Variants in TRAM2 observed in about 807,000 individuals in gnomAD.
The protein encoded by TRAM2 is translocating chain-associated membrane protein 2.
Under a neutral mutation model 51.0 loss-of-function variants are expected in TRAM2, and 12 were observed. The observed-to-expected ratio is 0.24, with a 90% CI of 0.15 to 0.38. The LOEUF is 0.38. Ranked by LOEUF, TRAM2 falls within the 10% of genes least tolerant of loss-of-function variation. The probability of loss-of-function intolerance (pLI) is 1.00; values close to 1 mark genes in which losing one functional copy is unlikely to be tolerated. For missense variants in TRAM2, 361 were observed against 462.0 expected, an observed-to-expected ratio of 0.78 and a Z score of 2.00; for synonymous variants, 175 against 179.4, an observed-to-expected ratio of 0.98 and a Z score of 0.20.
chr6:52,533,270 C>A (rs998633631), intron 2 of TRAM2, among the ~76,000 whole-genome samples: 2 of 152,190 alleles, frequency 1.3e-5, no homozygotes, highest in African/African-American at 4.8e-5. Flanking sequence ...ATAGATTTTA[C>A]AATTTTTTTA....
rs545575367 is a variant in TRAM2 at position 52,556,744 on chromosome 6, A to G, written c.120+20052T>C. Among the ~76,000 whole-genome samples, 62 of 152,210 alleles carry G rather than the reference A, an allele frequency of 4.1e-4. 1 individual carries two copies. The highest frequency in any genetic ancestry group is 1.5e-3 in the African/African-American group (61 of 41,564). ...GGAGTTTGAGACCGGCCTGGCCAAC[A>G]TGGCAAAACCCCATCTCTACTAAAA... On this transcript the variant is annotated intron_variant, in intron 1 of 10. Transcript: ENST00000182527.
Position 52,507,571 on chromosome 6 carries a change from G to A in TRAM2, c.608C>T (p.Ala203Val). 15 of 1,614,184 alleles carry A rather than the reference G, an allele frequency of 9.3e-6. No individual in the cohort carries two copies. The highest frequency in any genetic ancestry group is 1.3e-5 in the Non-Finnish European group (15 of 1,180,036). ...QYICLYLVHIAGAYLLNLSRL... is the reference protein window; with the variant it reads ...QYICLYLVHIVGAYLLNLSRL... ...CACTCACTTTAAGAGGTATGCTCCA[G>A]CTATATGCACCAGGTACAGGCAAAT... Residue 203 changes from alanine (A) to valine (V), a missense_variant, in exon 7 of 11, where the codon GCT (alanine) becomes GTT (valine). Ala to Val is a moderately conservative substitution (Grantham distance 64). Transcript: ENST00000182527.
At chr6:52,503,323 A>C in intron 10 of TRAM2, 53 bp from the exon 11 acceptor site, 1 of 1,540,396 alleles carries the variant, frequency 6.5e-7, no homozygotes, top group Non-Finnish European at 9.0e-7. Flanking sequence ...GAGCTAAGGC[A>C]GAAGAGGGGA....
At chr6:52,514,836 T>C (rs1766515253) in intron 4 of TRAM2, among the ~76,000 whole-genome samples, 1 of 152,168 alleles carries the variant, frequency 6.6e-6, no homozygotes, top group African/African-American at 2.4e-5. Flanking sequence ...AACCTGGAAG[T>C]CTAGGGACTT....
intron 1 of TRAM2, among the ~76,000 whole-genome samples, chr6:52,555,635 C>T (rs551921169): frequency 2.6e-4 from 40 of 152,248 alleles, no homozygotes; most frequent in African/African-American, 9.4e-4. Context: ...ATGTTTTGGA[C>T]ATCATTCTAT....
At chr6:52,515,812 T>C (rs1176329514) in intron 4 of TRAM2, 194 bp downstream of exon 4, 1 of 568,464 alleles carries the variant, frequency 1.8e-6, no homozygotes, top group African/African-American at 1.9e-5. Flanking sequence ...AAATGGCATC[T>C]CTCTGTAATA....
At chr6:52,553,277 C>T (rs1581697934) in intron 1 of TRAM2, among the ~76,000 whole-genome samples, 1 of 152,182 alleles carries the variant, frequency 6.6e-6, no homozygotes, top group African/African-American at 2.4e-5. Flanking sequence ...CCATTAAATA[C>T]TCTCCAAGAT....
intron 4 of TRAM2, among the ~76,000 whole-genome samples, chr6:52,511,315 G>A (rs750154674): frequency 6.6e-6 from 1 of 152,168 alleles, no homozygotes; most frequent in Non-Finnish European, 1.5e-5. Context: ...ATGTTGACCA[G>A]GCTGGTCTCA....
chr6:52,498,492 C>T lies in TRAM2; in HGVS notation c.*4705G>A, dbSNP rs1019811312. The stretch of plus-strand genomic sequence containing the variant: ...ACCAAAAGAGGTTACGGCAAGTGGG[C>T]CTTTTAAAAAAAATCTGGGGGTGGG... On this transcript the variant is annotated 3_prime_UTR_variant, in exon 11 of 11. Transcript: ENST00000182527. The T allele has an allele frequency of 2.0e-5, 3 of 151,976 alleles. No homozygotes were observed. Among genetic ancestry groups the T allele is most frequent in the African/African-American group, 7.3e-5 (3 of 41,348 alleles). 9.4% of individuals were successfully genotyped at this position (151,976 alleles called of 1,614,324 possible).
At chr6:52,529,256 T>C (rs1483739995) in intron 2 of TRAM2, among the ~76,000 whole-genome samples, 1 of 152,150 alleles carries the variant, frequency 6.6e-6, no homozygotes, top group African/African-American at 2.4e-5. Flanking sequence ...CCACCAGTGA[T>C]ACTCCCCACC....
Position 52,501,525 on chromosome 6 carries a change from A to G in TRAM2, c.*1672T>C, listed in dbSNP as rs376927762. On this transcript the variant is annotated 3_prime_UTR_variant, in exon 11 of 11. Coordinates refer to ENST00000182527, the MANE Select transcript of TRAM2 (RefSeq NM_012288.4). ...AAGAACTACTCCCCTTTGCCTCAAA[A>G]CAGAGTTCGGAGGTTCTTAATTGGG... 4.6e-5 allele frequency: 7 copies of G among 152,302 alleles called. No homozygotes were observed. The South Asian group carries it at 8.3e-4, about 18-fold the overall frequency. The allele number at this position is 152,302 out of a possible 1,614,324, so 9.4% of individuals were successfully genotyped here.
chr6:52,569,491 G>A (rs748241274), intron 1 of TRAM2, among the ~76,000 whole-genome samples: 8 of 151,390 alleles, frequency 5.3e-5, no homozygotes, highest in South Asian at 4.2e-4. Context: ...ATGCAATAAC[G>A]TATGTATAAG....
At chr6:52,506,602 A>G (rs1279612526) in intron 7 of TRAM2, among the ~76,000 whole-genome samples, 1 of 152,100 alleles carries the variant, frequency 6.6e-6, no homozygotes, top group African/African-American at 2.4e-5. Flanking sequence ...CCCTGCTTAT[A>G]CGTTCTTCCC....
At chr6:52,529,724 G>A (rs774149276) in intron 2 of TRAM2, 6 of 152,214 alleles carry the variant, frequency 3.9e-5, no homozygotes, top group African/African-American at 9.7e-5. Flanking sequence ...ACCATTCAGC[G>A]TTAAGTGTTT....
At chr6:52,510,062 C>G (rs1055911432) in intron 4 of TRAM2, among the ~76,000 whole-genome samples, 3 of 152,146 alleles carry the variant, frequency 2.0e-5, no homozygotes, top group Non-Finnish European at 2.9e-5. Context: ...AATCACCACT[C>G]GCTGGAAAAA....
intron 2 of TRAM2, among the ~76,000 whole-genome samples, chr6:52,535,229 G>A (rs921692928): frequency 6.6e-6 from 1 of 152,204 alleles, no homozygotes; most frequent in Non-Finnish European, 1.5e-5. Context: ...AGATGCTTTG[G>A]AGAAAGGAGT....
intron 9 of TRAM2, 70 bp from the exon 10 acceptor site, chr6:52,504,824 G>T: frequency 6.9e-7 from 1 of 1,455,470 alleles, no homozygotes; most frequent in South Asian, 1.2e-5. Context: ...TTGTGCAGGG[G>T]AGAACAAGGG....
intron 4 of TRAM2, among the ~76,000 whole-genome samples, chr6:52,515,312 A>G (rs1025518624): frequency 8.5e-5 from 13 of 152,208 alleles, no homozygotes; most frequent in South Asian, 2.1e-4. Context: ...TTGTTACAGG[A>G]AACTCCAAAG....
chr6:52,517,062 C>T (rs1354610249), intron 2 of TRAM2: 1 of 276,628 alleles, frequency 3.6e-6, no homozygotes, highest in African/African-American at 2.2e-5. Context: ...CTCTATCACT[C>T]CCTAACTGTG....
Sources: allele counts gnomAD v4.1 joint callset (sites outside exome capture counted in the v4.1 genomes callset), GRCh38; gene constraint gnomAD v4.1.1; transcripts MANE v1.5; gene names NCBI Gene and HGNC (gene_info 2026-07-23, HGNC 2026-07-21).